OR2G6: variants seen among roughly 807,000 people sequenced by gnomAD.
The protein encoded by OR2G6 is olfactory receptor family 2 subfamily G member 6.
For synonymous variants in OR2G6, 183 were observed against 155.2 expected (o/e 1.18, Z -1.33); for missense variants, 457 against 391.3 (o/e 1.17, Z -1.42).
chr1:248,521,059 AAAAAAAT>A (rs1313061438), intron 1 of OR2G6, among the ~76,000 whole-genome samples: 1 of 147,440 alleles, frequency 6.8e-6, no homozygotes, highest in African/African-American at 2.5e-5. Context: ...AAAAAAAAAA[AAAAAAAT>A]ACAACAATTA....
intron 1 of OR2G6, among the ~76,000 whole-genome samples, chr1:248,520,572 TA>T (rs1664262255): frequency 6.6e-6 from 1 of 152,272 alleles, no homozygotes; most frequent in South Asian, 2.1e-4. Flanking sequence ...TTGTGAATAT[TA>T]GTCAAGATTT....
rs114529800 is a variant in OR2G6 at position 248,526,493 on chromosome 1, G to T, written c.*3896G>T. On this transcript the variant is annotated 3_prime_UTR_variant, in exon 2 of 2. Coordinates refer to ENST00000641804, the MANE Select transcript of OR2G6 (RefSeq NM_001013355.2). ...TAACTTGACAAATAAAAAAAATGTT[G>T]AGCCCCAGTCTTAGGAAATCCTCCC... is the stretch of plus-strand genomic sequence containing the variant. 1.3e-5 allele frequency: 2 copies of T among 152,122 alleles called. No homozygotes were observed. The highest frequency in any genetic ancestry group is 3.8e-4 in the East Asian group (2 of 5,198). The allele number at this position is 152,122 out of a possible 1,614,324, so 9.4% of individuals were successfully genotyped here.
intron 1 of OR2G6, among the ~76,000 whole-genome samples, chr1:248,520,871 A>T (rs1001763149): frequency 1.6e-3 from 206 of 132,646 alleles, no homozygotes; most frequent in Admixed American, 0.011. Context: ...TATATATATA[A>T]AAATATATAT....
Position 248,523,574 on chromosome 1 carries a change from T to C in OR2G6, c.*977T>C, listed in dbSNP as rs777750080. The C allele has an allele frequency of 6.6e-6, 1 of 152,048 alleles. No individual in the cohort carries two copies. Among genetic ancestry groups the C allele is most frequent in the Non-Finnish European group, 1.5e-5 (1 of 68,034 alleles). The allele number at this position is 152,048 out of a possible 1,614,324, so 9.4% of individuals were successfully genotyped here. A position where few individuals can be genotyped will look rare whatever the true frequency, so the allele number is the denominator to read the frequency against. ...TGTCTCACGTTAACGATCATAGTTA[T>C]ATGTTTGGTTTCCAAAACAGCAAAA... On this transcript the variant is annotated 3_prime_UTR_variant, in exon 2 of 2. Transcript: ENST00000641804.
chr1:248,524,804 GA>G lies in OR2G6; in HGVS notation c.*2214del, dbSNP rs146916432. ...ATACAATAAATTCAAACATAATTCA[GA>G]AAAAAATAGAATATCTGCTTATTGC... On this transcript the variant is annotated 3_prime_UTR_variant, in exon 2 of 2. Coordinates refer to ENST00000641804, the MANE Select transcript of OR2G6 (RefSeq NM_001013355.2). 7 of 151,824 alleles carry G rather than the reference GA, an allele frequency of 4.6e-5. No homozygotes were observed. The highest frequency in any genetic ancestry group is 1.2e-4 in the African/African-American group (5 of 41,338). 9.4% of individuals were successfully genotyped at this position (151,824 alleles called of 1,614,324 possible). A position where few individuals can be genotyped will look rare whatever the true frequency, so the allele number is the denominator to read the frequency against.
At chr1:248,519,967 A>C (rs540659355) in intron 1 of OR2G6, among the ~76,000 whole-genome samples, 13 of 3,908 alleles carry the variant, frequency 3.3e-3, no homozygotes, top group Admixed American at 5.3e-3. Flanking sequence ...CTATAAAGTC[A>C]CATGGACACA....
rs1558372790 is a variant in OR2G6 at position 248,522,601 on chromosome 1, A to G, written c.*4A>G. On this transcript the variant is annotated 3_prime_UTR_variant, in exon 2 of 2. Coordinates refer to ENST00000641804, the MANE Select transcript of OR2G6 (RefSeq NM_001013355.2). ...TGGACAAAGCCACAAGGACTAGGAA[A>G]CACCTGGAATTCTAAACAAGGGAAA... 1 of 1,583,268 alleles carries G rather than the reference A, an allele frequency of 6.3e-7. No homozygotes were observed. Among genetic ancestry groups the G allele is most frequent in the Non-Finnish European group, 8.6e-7 (1 of 1,164,330 alleles).
rs139958354 is a variant in OR2G6, at chr1:248,522,528, CAA to C, written c.884_885del (p.Lys295ArgfsTer13). Reference protein sequence around the residue: ...LNPIIYTLRNKDVKGALRTLI... With the variant: ...LNPIIYTLRNXDVKGALRTLI... ...ACCCCATTATCTACACTCTGAGAAACAAAGATGTGAAAGGGGCCTTGAGGACC... is the reference window on the plus strand; with the variant it reads ...ACCCCATTATCTACACTCTGAGAAACAGATGTGAAAGGGGCCTTGAGGACC... On this transcript the variant is annotated frameshift_variant, in exon 2 of 2. Coordinates refer to ENST00000641804, the MANE Select transcript of OR2G6 (RefSeq NM_001013355.2). LOFTEE classifies it low-confidence loss of function (END_TRUNC). The C allele has an allele frequency of 4.1e-3, 6,654 of 1,614,034 alleles. 202 individuals carry two copies. In the African/African-American group the frequency reaches 0.072, roughly 17 times the overall value.
At position 248,522,097 on chromosome 1, in the gene OR2G6, A is replaced by T. The variant is rs1319827129; in HGVS notation, c.451A>T (p.Ser151Cys). ...CASLAGGAWL[S>C]GLITSLIQCS... ...GTCTCTGGCCGGTGGAGCATGGCTCAGCGGCCTCATCACCTCCCTAATTCA... is the reference window on the plus strand; with the variant it reads ...GTCTCTGGCCGGTGGAGCATGGCTCTGCGGCCTCATCACCTCCCTAATTCA... Residue 151 changes from serine (S) to cysteine (C), a missense_variant, in exon 2 of 2, where the codon AGC (serine) becomes TGC (cysteine). Coordinates refer to ENST00000641804, the MANE Select transcript of OR2G6 (RefSeq NM_001013355.2). 1.9e-6 allele frequency: 3 copies of T among 1,614,178 alleles called. No homozygotes were observed. In the South Asian group the frequency reaches 3.3e-5, roughly 18 times the overall value.
chr1:248,526,476 CAAAT>C lies in OR2G6; in HGVS notation c.*3883_*3886del, dbSNP rs1255328276. 1.3e-5 allele frequency: 2 copies of C among 152,124 alleles called. No homozygotes were observed. The highest frequency in any genetic ancestry group is 2.9e-5 in the Non-Finnish European group (2 of 68,038). The allele number at this position is 152,124 out of a possible 1,614,324, so 9.4% of individuals were successfully genotyped here. ...TGGAAGCTCATGTGAACTAACTTGA[CAAAT>C]AAAAAAAATGTTGAGCCCCAGTCTT... On this transcript the variant is annotated 3_prime_UTR_variant, in exon 2 of 2. Coordinates refer to ENST00000641804, the MANE Select transcript of OR2G6 (RefSeq NM_001013355.2).
At chr1:248,508,840 A>AAT (rs374758663) in intron 1 of OR2G6, among the ~76,000 whole-genome samples, 7,799 of 96,796 alleles carry the variant, frequency 0.081, 2,163 homozygotes, top group African/African-American at 0.37. Flanking sequence ...ACTTATTATA[A>AAT]ATGTTTTTTA....
intron 1 of OR2G6, among the ~76,000 whole-genome samples, chr1:248,521,247 T>C (rs895640217): frequency 6.6e-6 from 1 of 151,978 alleles, no homozygotes; most frequent in Non-Finnish European, 1.5e-5. Context: ...TGTATACATA[T>C]AACAAAATAT....
intron 1 of OR2G6, among the ~76,000 whole-genome samples, chr1:248,519,836 A>C (rs767795092): frequency 1.4e-4 from 22 of 152,246 alleles, no homozygotes; most frequent in Admixed American, 3.9e-4. Flanking sequence ...TTCCATATGA[A>C]ATTTAAAGTA....
chr1:248,522,695 C>G lies in OR2G6; in HGVS notation c.*98C>G. The G allele has an allele frequency of 1.3e-6, 1 of 757,184 alleles. No homozygotes were observed. Among genetic ancestry groups the G allele is most frequent in the East Asian group, 2.6e-5 (1 of 38,084 alleles). The allele number at this position is 757,184 out of a possible 1,614,324, so 46.9% of individuals were successfully genotyped here. ...CTTGTCAATCCCAAAGCCACAGGGA[C>G]TAGGAAGCATTGGAATTCTAAAGAA... On this transcript the variant is annotated 3_prime_UTR_variant, in exon 2 of 2. Coordinates refer to ENST00000641804, the MANE Select transcript of OR2G6 (RefSeq NM_001013355.2).
Position 248,524,426 on chromosome 1 carries a change from A to G in OR2G6, c.*1829A>G, listed in dbSNP as rs988291616. The G allele has an allele frequency of 1.1e-4, 17 of 152,244 alleles. No individual in the cohort carries two copies. The highest frequency in any genetic ancestry group is 3.9e-4 in the African/African-American group (16 of 41,470). 9.4% of individuals were successfully genotyped at this position (152,244 alleles called of 1,614,324 possible). A position where few individuals can be genotyped will look rare whatever the true frequency, so the allele number is the denominator to read the frequency against. ...AACTGAGCAGAACATGCTGAGGAGC[A>G]CATGTTTTTATTTACAATATGCAAG... On this transcript the variant is annotated 3_prime_UTR_variant, in exon 2 of 2. Transcript: ENST00000641804.
In OR2G6 at chr1:248,522,383, T is replaced by C; in HGVS notation, c.737T>C (p.Val246Ala). 6.2e-7 allele frequency: 1 copy of C among 1,614,182 alleles called. No homozygotes were observed. Among genetic ancestry groups the C allele is most frequent in the Non-Finnish European group, 8.5e-7 (1 of 1,180,006 alleles). ...TTTGGGACCTGTTCGTCTCACCTGG[T>C]TGTGGTCATCATTTTCTATGGGACC... ...KAFGTCSSHL[V>A]VVIIFYGTII... The change falls in exon 2 of 2, where the codon GTT (valine) becomes GCT (alanine). Residue 246 changes from valine (V) to alanine (A), a missense_variant. By Grantham distance (64) the Val-to-Ala change is moderately conservative. Coordinates refer to ENST00000641804, the MANE Select transcript of OR2G6 (RefSeq NM_001013355.2).
In OR2G6 at chr1:248,522,580, C is replaced by G; in HGVS notation, c.934C>G (p.Gln312Glu). The change falls in exon 2 of 2, where the codon CAA (glutamine) becomes GAA (glutamate). Residue 312 changes from glutamine to glutamate, a missense_variant. Coordinates refer to ENST00000641804, the MANE Select transcript of OR2G6 (RefSeq NM_001013355.2). ...RTLILGSAAGQSHKD is the reference protein window; with the variant it reads ...RTLILGSAAGESHKD ...CCTGATACTGGGTAGTGCTGCTGGA[C>G]AAAGCCACAAGGACTAGGAAACACC... is the stretch of plus-strand genomic sequence containing the variant. The G allele has an allele frequency of 6.2e-7, 1 of 1,607,954 alleles. No individual in the cohort carries two copies. Among genetic ancestry groups the G allele is most frequent in the South Asian group, 1.1e-5 (1 of 90,288 alleles).
Position 248,526,640 on chromosome 1 carries a change from C to T in OR2G6, c.*4043C>T, listed in dbSNP as rs1351904460. 1 of 152,140 alleles carries T rather than the reference C, an allele frequency of 6.6e-6. No individual in the cohort carries two copies. The highest frequency in any genetic ancestry group is 2.4e-5 in the African/African-American group (1 of 41,454). 9.4% of individuals were successfully genotyped at this position (152,140 alleles called of 1,614,324 possible). A position where few individuals can be genotyped will look rare whatever the true frequency, so the allele number is the denominator to read the frequency against. Reference sequence around the variant, plus strand: ...AAACATTTGAAATATGCCCAGAGCTCTCTGTTCACCATAACCTGATCTCAG... The same window carrying T: ...AAACATTTGAAATATGCCCAGAGCTTTCTGTTCACCATAACCTGATCTCAG... On this transcript the variant is annotated 3_prime_UTR_variant, in exon 2 of 2. Coordinates refer to ENST00000641804, the MANE Select transcript of OR2G6 (RefSeq NM_001013355.2).
chr1:248,519,788 T>C (rs978703966), intron 1 of OR2G6, among the ~76,000 whole-genome samples: 3 of 152,218 alleles, frequency 2.0e-5, no homozygotes, highest in African/African-American at 7.2e-5. Context: ...TTTGTCCTTT[T>C]TGCTTAGGAT....
Sources: gnomAD v4.1 joint callset for allele counts (sites outside exome capture counted in the v4.1 genomes callset) on GRCh38, gnomAD v4.1.1 for gene constraint, MANE v1.5 for transcripts, NCBI Gene and HGNC (gene_info 2026-07-23, HGNC 2026-07-21) for gene names.